The following VWF variants were observed in gnomAD, a reference collection of about 807,000 sequenced individuals.
The protein encoded by VWF is Factor VIII related antigen.
A neutral mutation model predicts 308.6 loss-of-function variants in VWF; 176 were observed. The observed-to-expected ratio is 0.57, with a 90% CI of 0.50 to 0.65. The LOEUF is 0.65. Ranked by LOEUF, VWF falls within the 30% of genes least tolerant of loss-of-function variation. The pLI is 0.00. For synonymous variants in VWF, 1,385 were observed against 1,443.4 expected (o/e 0.96, Z 0.92); for missense variants, 3,146 against 3,648.2 (o/e 0.86, Z 3.55).
rs1431483918 is a variant in VWF, at chr12:6,092,257, C to T, written c.657+3203G>A. ...GGGAGGTTGAACACCCCTCCTTATA[C>T]CCTCTCCCTCGCTAACCACCATTAG... On this transcript the variant is annotated intron_variant, in intron 6 of 51. Coordinates refer to ENST00000261405, the MANE Select transcript of VWF (RefSeq NM_000552.5). Among the ~76,000 whole-genome samples the T allele has an allele frequency of 5.9e-5, 9 of 152,230 alleles. No individual in the cohort carries two copies. In the East Asian group the frequency reaches 1.4e-3, roughly 23 times the overall value.
At chr12:6,094,669 G>C (rs1332965019) in intron 6 of VWF, among the ~76,000 whole-genome samples, 1 of 152,112 alleles carries the variant, frequency 6.6e-6, no homozygotes, top group Admixed American at 6.6e-5. Flanking sequence ...GAATGGATTA[G>C]TGCTCTGATA....
At chr12:5,958,167 C>G (rs1473017257) in intron 47 of VWF, among the ~76,000 whole-genome samples, 1 of 151,816 alleles carries the variant, frequency 6.6e-6, no homozygotes, top group East Asian at 1.9e-4. Flanking sequence ...AACAACAGAA[C>G]AAGTAACAAA....
chr12:5,965,683 G>A (rs1220087369), intron 47 of VWF, among the ~76,000 whole-genome samples: 1 of 152,164 alleles, frequency 6.6e-6, no homozygotes, highest in Non-Finnish European at 1.5e-5. Context: ...CCCAACGTGG[G>A]CAGTTCAAGC....
At chr12:6,118,010 A>C (rs1945388143) in intron 3 of VWF, among the ~76,000 whole-genome samples, 1 of 152,166 alleles carries the variant, frequency 6.6e-6, no homozygotes, top group Non-Finnish European at 1.5e-5. Flanking sequence ...CGAGTTGATG[A>C]GCCCAGTGCT....
At chr12:6,030,393 T>A (rs1403533659) in intron 21 of VWF, among the ~76,000 whole-genome samples, 1 of 152,100 alleles carries the variant, frequency 6.6e-6, no homozygotes, top group Non-Finnish European at 1.5e-5. Context: ...TCACCTCCCA[T>A]CCCCTGCTGT....
chr12:6,097,713 G>A (rs948526705), intron 5 of VWF, among the ~76,000 whole-genome samples: 29 of 152,200 alleles, frequency 1.9e-4, no homozygotes, highest in Non-Finnish European at 3.4e-4. Flanking sequence ...TCAAGCCACC[G>A]AGTTTGTGGT....
intron 40 of VWF, among the ~76,000 whole-genome samples, chr12:5,984,301 T>C (rs970105684): frequency 2.0e-5 from 3 of 152,224 alleles, no homozygotes; most frequent in Non-Finnish European, 4.4e-5. Context: ...TTCTAAGACC[T>C]CCTTTACATT....
At chr12:6,010,898 A>G (rs1465454119) in intron 34 of VWF, among the ~76,000 whole-genome samples, 1 of 152,242 alleles carries the variant, frequency 6.6e-6, no homozygotes, top group Non-Finnish European at 1.5e-5. Flanking sequence ...CAAAGTAACT[A>G]TAGAATTCTT....
intron 7 of VWF, among the ~76,000 whole-genome samples, 198 bp from the exon 8 acceptor site, chr12:6,073,939 T>C (rs566905362): frequency 6.6e-6 from 1 of 152,266 alleles, no homozygotes; most frequent in East Asian, 1.9e-4. Context: ...TCTTCCATCT[T>C]GTGAGGCCCT....
chr12:6,039,577 G>T (rs575353291), intron 18 of VWF, among the ~76,000 whole-genome samples: 1 of 152,278 alleles, frequency 6.6e-6, no homozygotes, highest in Non-Finnish European at 1.5e-5. Context: ...GACTTATGAG[G>T]TTCCGCTTTT....
intron 18 of VWF, among the ~76,000 whole-genome samples, chr12:6,042,509 G>T (rs576583341): frequency 6.6e-6 from 1 of 152,192 alleles, no homozygotes; most frequent in African/African-American, 2.4e-5. Context: ...CTGCTCTCTC[G>T]AATCTGGCCG....
intron 42 of VWF, among the ~76,000 whole-genome samples, chr12:5,980,202 CGTAG>C (rs367588499): frequency 0.032 from 676 of 21,316 alleles, 62 homozygotes; most frequent in South Asian, 0.11. Context: ...AAGGAAGTGA[CGTAG>C]GTAGGTAGGG....
At chr12:5,993,761 T>C in intron 37 of VWF, 101 bp downstream of exon 37, 1 of 1,106,470 alleles carries the variant, frequency 9.0e-7, no homozygotes, top group East Asian at 2.5e-5. Context: ...ATACAGGGAT[T>C]TTCATCCTTA....
intron 22 of VWF, among the ~76,000 whole-genome samples, chr12:6,027,680 G>C (rs11612384): frequency 0.28 from 42,882 of 151,934 alleles, 6,816 homozygotes; most frequent in African/African-American, 0.42. Flanking sequence ...TGTAAAAAAG[G>C]CAAGAAAAGG....
intron 21 of VWF, among the ~76,000 whole-genome samples, chr12:6,030,787 G>C (rs1204339696): frequency 6.6e-6 from 1 of 152,160 alleles, no homozygotes; most frequent in Non-Finnish European, 1.5e-5. Context: ...CAGCACTTTG[G>C]GAGGCCAAGG....
chr12:5,949,936 C>T lies in VWF; in HGVS notation c.8156-53G>A. 8 of 1,547,578 alleles carry T rather than the reference C, an allele frequency of 5.2e-6. No homozygotes were observed. In the South Asian group the frequency reaches 5.6e-5, roughly 11 times the overall value. On this transcript the variant is annotated intron_variant, in intron 50 of 51. Coordinates refer to ENST00000261405, the MANE Select transcript of VWF (RefSeq NM_000552.5). ...GAGGACTGGCTGGGGTTCTAGAGAA[C>T]ACTCTTCAGCCCCAGTGCCCTCACT...
intron 5 of VWF, 28 bp downstream of exon 5, chr12:6,110,346 A>G (rs772214788): frequency 6.2e-7 from 1 of 1,610,200 alleles, no homozygotes; most frequent in South Asian, 1.1e-5. Context: ...GCCACACTTT[A>G]GGGAAATGGT....
At position 6,110,400 on chromosome 12, in the gene VWF, G is replaced by C; in HGVS notation, c.506C>G (p.Ala169Gly). The C allele has an allele frequency of 1.2e-6, 2 of 1,614,164 alleles. No homozygotes were observed. The highest frequency in any genetic ancestry group is 1.7e-6 in the Non-Finnish European group (2 of 1,180,002). Residue 169 changes from alanine (A) to glycine (G), a missense_variant, in exon 5 of 52, where the codon GCT becomes GGT. Ala to Gly is a moderately conservative substitution (Grantham distance 60, BLOSUM62 0). Transcript: ENST00000261405. Reference sequence around the variant, plus strand: ...TTCTTGGGTCATAAAGTCATCTTCAGCAAAGATGTTAAAGTTGCCACACAG... The same window carrying C: ...TTCTTGGGTCATAAAGTCATCTTCACCAAAGATGTTAAAGTTGCCACACAG... ...CGLCGNFNIFAEDDFMTQEGT... is the reference protein window; with the variant it reads ...CGLCGNFNIFGEDDFMTQEGT...
At chr12:5,991,160 G>A (rs1943737113) in intron 38 of VWF, among the ~76,000 whole-genome samples, 1 of 127,710 alleles carries the variant, frequency 7.8e-6, no homozygotes, top group South Asian at 2.6e-4. Context: ...CCAGTCCCAA[G>A]GGATTCTCAC....
Sources: gnomAD v4.1 joint callset for allele counts (sites outside exome capture counted in the v4.1 genomes callset) on GRCh38, gnomAD v4.1.1 for gene constraint, MANE v1.5 for transcripts, NCBI Gene and HGNC (gene_info 2026-07-23, HGNC 2026-07-21) for gene names.